The following CPPED1 variants were observed in gnomAD, a reference collection of about 807,000 sequenced individuals.
CPPED1 encodes the protein serine/threonine-protein phosphatase CPPED1.
A neutral mutation model predicts 28.0 loss-of-function variants in CPPED1; 28 were observed. That is an observed-to-expected ratio of 1.00 (90% CI 0.74 to 1.37). CPPED1 has a LOEUF of 1.37. CPPED1 is among the 40% of genes most tolerant of loss of function. The pLI is 0.00. For synonymous variants in CPPED1, 198 were observed against 180.2 expected (o/e 1.10, Z -0.79); for missense variants, 504 against 416.5 (o/e 1.21, Z -1.83).
intron 2 of CPPED1, among the ~76,000 whole-genome samples, chr16:12,716,409 A>C (rs557526079): frequency 6.6e-6 from 1 of 152,268 alleles, no homozygotes; most frequent in Non-Finnish European, 1.5e-5. Context: ...AATTACATGC[A>C]GATTCACTAC....
In CPPED1 at chr16:12,672,419, G is replaced by A. The variant is rs542819956; in HGVS notation, c.716-7304C>T. ...TTTATTTATGGAAGACCTGTTAAAT[G>A]ACATTATGCGCATTTTTTAAAAAGA... On this transcript the variant is annotated intron_variant, in intron 3 of 3. Transcript: ENST00000381774. Among the ~76,000 whole-genome samples, 11 of 152,308 alleles carry A rather than the reference G, an allele frequency of 7.2e-5. No individual in the cohort carries two copies. The South Asian group carries it at 2.3e-3, about 32-fold the overall frequency.
Position 12,670,492 on chromosome 16 carries a change from A to G in CPPED1, c.716-5377T>C, listed in dbSNP as rs58084390. On this transcript the variant is annotated intron_variant, in intron 3 of 3. Coordinates refer to ENST00000381774, the MANE Select transcript of CPPED1 (RefSeq NM_018340.3). This position sits in a 1 kb window ranked among gnomAD's most constrained non-coding sequence, Gnocchi z 4.2. The stretch of plus-strand genomic sequence containing the variant: ...GCATCCTGACTTCTGTTCAAAGAGT[A>G]TAGTTTAAAGAGAAGGTTAAAAAAA... 0.049 allele frequency among the ~76,000 whole-genome samples: 7,412 copies of G among 152,130 alleles called. 571 individuals carry two copies. Among genetic ancestry groups the G allele is most frequent in the African/African-American group, 0.17 (6,973 of 41,432 alleles).
intron 2 of CPPED1, among the ~76,000 whole-genome samples, chr16:12,720,088 T>C (rs529427681): frequency 6.6e-6 from 1 of 152,224 alleles, no homozygotes; most frequent in African/African-American, 2.4e-5. Context: ...TGACTTCATA[T>C]AGTTCTGGAC....
intron 3 of CPPED1, among the ~76,000 whole-genome samples, chr16:12,672,429 G>A (rs184731047): frequency 2.7e-4 from 41 of 152,302 alleles, no homozygotes; most frequent in African/African-American, 4.8e-4. Flanking sequence ...GACATTATGC[G>A]CATTTTTTAA....
intron 2 of CPPED1, among the ~76,000 whole-genome samples, chr16:12,754,616 G>A (rs979796266): frequency 6.6e-6 from 1 of 152,184 alleles, no homozygotes; most frequent in Admixed American, 6.5e-5. Flanking sequence ...AATTTCACAG[G>A]ACCTTCTCCA....
intron 2 of CPPED1, among the ~76,000 whole-genome samples, chr16:12,737,602 T>G (rs1189955703): frequency 6.6e-6 from 1 of 152,238 alleles, no homozygotes; most frequent in Non-Finnish European, 1.5e-5. Context: ...ATGCTTTTAT[T>G]GGCCACAATA....
intron 3 of CPPED1, among the ~76,000 whole-genome samples, chr16:12,688,683 C>T (rs1436179279): frequency 6.6e-6 from 1 of 152,160 alleles, no homozygotes; most frequent in African/African-American, 2.4e-5. Context: ...GGTTTCTTTC[C>T]TGACTTTTCT....
At position 12,671,834 on chromosome 16, in the gene CPPED1, T is replaced by C. The variant is rs182364034; in HGVS notation, c.716-6719A>G. Among the ~76,000 whole-genome samples, 36 of 152,366 alleles carry C rather than the reference T, an allele frequency of 2.4e-4. 1 individual carries two copies. Among genetic ancestry groups the C allele is most frequent in the Admixed American group, 2.0e-3 (30 of 15,306 alleles). ...AGGTGGTCCCATAAGATTATAATGC[T>C]GTATTTTCACTGTACCTTCTCTATG... On this transcript the variant is annotated intron_variant, in intron 3 of 3. Transcript: ENST00000381774.
Position 12,803,829 on chromosome 16 carries a change from C to G in CPPED1, c.-53G>C. The G allele has an allele frequency of 2.6e-6, 4 of 1,519,034 alleles. No homozygotes were observed. Among genetic ancestry groups the G allele is most frequent in the Non-Finnish European group, 2.7e-6 (3 of 1,120,092 alleles). The allele number at this position is 1,519,034 out of a possible 1,614,324, so 94.1% of individuals were successfully genotyped here. ...GAACACTGCGTGGGTGGAAGCCGCGCGACTTCACACAGAACAACCGCTGGA... is the reference window on the plus strand; with the variant it reads ...GAACACTGCGTGGGTGGAAGCCGCGGGACTTCACACAGAACAACCGCTGGA... On this transcript the variant is annotated 5_prime_UTR_variant, in exon 1 of 4. Transcript: ENST00000381774.
intron 2 of CPPED1, among the ~76,000 whole-genome samples, chr16:12,773,688 C>G (rs945001794): frequency 6.6e-6 from 1 of 151,998 alleles, no homozygotes; most frequent in Non-Finnish European, 1.5e-5. Context: ...GACACTGTAC[C>G]CAGCCTGGGC....
chr16:12,683,989 C>T (rs1291559782), intron 3 of CPPED1, among the ~76,000 whole-genome samples: 1 of 152,140 alleles, frequency 6.6e-6, no homozygotes, highest in Non-Finnish European at 1.5e-5. Flanking sequence ...CTTCCGGGCA[C>T]TGGGTCCAAG....
chr16:12,722,859 G>T (rs140015176), intron 2 of CPPED1, among the ~76,000 whole-genome samples: 2 of 152,272 alleles, frequency 1.3e-5, no homozygotes, highest in East Asian at 3.9e-4. Context: ...TAAGATGCAG[G>T]CTCCAGTGTA....
intron 1 of CPPED1, among the ~76,000 whole-genome samples, chr16:12,797,122 A>G (rs2141247278): frequency 6.6e-6 from 1 of 152,322 alleles, no homozygotes; most frequent in African/African-American, 2.4e-5. Flanking sequence ...AGTGGGTATA[A>G]AACCACTTTT....
chr16:12,768,733 A>C (rs1317808245), intron 2 of CPPED1, among the ~76,000 whole-genome samples: 1 of 152,194 alleles, frequency 6.6e-6, no homozygotes, highest in African/African-American at 2.4e-5. Flanking sequence ...AAGTTAGTAG[A>C]AATTACAGAG....
At chr16:12,749,209 T>A (rs2080311331) in intron 2 of CPPED1, among the ~76,000 whole-genome samples, 1 of 152,226 alleles carries the variant, frequency 6.6e-6, no homozygotes, top group Non-Finnish European at 1.5e-5. Flanking sequence ...CTACAGAATG[T>A]CCTTCCAAAT....
rs2080070957 is a variant in CPPED1, at chr16:12,709,908, GAA to G, written c.290-4861_290-4860del. Among the ~76,000 whole-genome samples the G allele has an allele frequency of 4.7e-5, 1 of 21,080 alleles. No individual in the cohort carries two copies. The highest frequency in any genetic ancestry group is 5.9e-4 in the Admixed American group (1 of 1,698). The allele number at this position is 21,080 out of a possible 152,430, so 13.8% of individuals were successfully genotyped here. A position where few individuals can be genotyped will look rare whatever the true frequency, so the allele number is the denominator to read the frequency against. On this transcript the variant is annotated intron_variant, in intron 2 of 3. Transcript: ENST00000381774. The surrounding 1 kb of genome is among the most constrained non-coding windows in gnomAD (Gnocchi z 4.4). ...AAGGGAAGGAAGGGAAAGACGGGGG[GAA>G]GGAAGGGAAGGAAGGGAAGGAAGGG... is the stretch of plus-strand genomic sequence containing the variant.
intron 2 of CPPED1, among the ~76,000 whole-genome samples, chr16:12,748,548 A>G (rs1470275538): frequency 6.6e-6 from 1 of 152,224 alleles, no homozygotes; most frequent in Non-Finnish European, 1.5e-5. Context: ...TTGGTTTCCC[A>G]GTGCATATAA....
chr16:12,780,434 C>T (rs1169794006), intron 2 of CPPED1, among the ~76,000 whole-genome samples: 4 of 152,144 alleles, frequency 2.6e-5, no homozygotes, highest in Admixed American at 2.6e-4. Context: ...CCTCAGCCTC[C>T]CAAAGTGCTG....
At chr16:12,795,770 C>A (rs978382139) in intron 1 of CPPED1, among the ~76,000 whole-genome samples, 15 of 152,190 alleles carry the variant, frequency 9.9e-5, no homozygotes, top group African/African-American at 3.6e-4. Context: ...CATTCATACT[C>A]ATCCATTTAC....
Sources: gnomAD v4.1 joint callset for allele counts (sites outside exome capture counted in the v4.1 genomes callset) on GRCh38, gnomAD v4.1.1 for gene constraint, Gnocchi (gnomAD v3.1) non-coding constraint, MANE v1.5 for transcripts, NCBI Gene and HGNC (gene_info 2026-07-23, HGNC 2026-07-21) for gene names.